Variants in TATDN2 observed in about 807,000 individuals in gnomAD.
TATDN2 encodes the protein 3'-5' RNA nuclease TATDN2.
In TATDN2, 44 loss-of-function variants were observed where a neutral mutation model predicts 60.3. The observed-to-expected ratio is 0.73, with a 90% CI of 0.57 to 0.94. The LOEUF is 0.94. Ranked by LOEUF, TATDN2 falls within the 40% of genes least tolerant of loss-of-function variation. The probability of loss-of-function intolerance (pLI) is 0.00; values close to 1 mark genes in which losing one functional copy is unlikely to be tolerated. For synonymous variants in TATDN2, 399 were observed against 355.8 expected, an observed-to-expected ratio of 1.12 and a Z score of -1.37; for missense variants, 997 against 948.0, an observed-to-expected ratio of 1.05 and a Z score of -0.68.
chr3:10,270,501 G>A lies in TATDN2; in HGVS notation c.1319G>A (p.Gly440Asp). 6.2e-7 allele frequency: 1 copy of A among 1,614,244 alleles called. No homozygotes were observed. The highest frequency in any genetic ancestry group is 8.5e-7 in the Non-Finnish European group (1 of 1,180,038). The change falls in exon 4 of 8, where the codon GGC becomes GAC. Residue 440 changes from glycine (G) to aspartate (D), a missense_variant. Gly to Asp is a moderately conservative substitution (Grantham distance 94). Coordinates refer to ENST00000448281, the MANE Select transcript of TATDN2 (RefSeq NM_014760.4). ...TSRDMEASEE[G>D]WSQNSRSFRF... Reference sequence around the variant, plus strand: ...AGAGACATGGAGGCCTCAGAGGAAGGCTGGTCCCAGAATTCTCGTTCATTT... The same window carrying A: ...AGAGACATGGAGGCCTCAGAGGAAGACTGGTCCCAGAATTCTCGTTCATTT...
chr3:10,277,942 T>C (rs766938278), intron 5 of TATDN2, among the ~76,000 whole-genome samples: 1 of 152,190 alleles, frequency 6.6e-6, no homozygotes, highest in Non-Finnish European at 1.5e-5. Flanking sequence ...ATGCTGTCGT[T>C]GTCATCATAG....
At position 10,270,287 on chromosome 3, in the gene TATDN2, A is replaced by G. The variant is rs745589319; in HGVS notation, c.1105A>G (p.Met369Val). ...TTCTTCCTTCACCACCGACTATGTC[A>G]TGTACCCTCCTCATTTGTACAGTAG... ...EPSSFTTDYVMYPPHLYSSPW... is the reference protein window; with the variant it reads ...EPSSFTTDYVVYPPHLYSSPW... The change falls in exon 4 of 8, where the codon ATG (methionine) becomes GTG (valine). Residue 369 changes from methionine (M) to valine (V), a missense_variant. By Grantham distance (21) the Met-to-Val change is conservative. Coordinates refer to ENST00000448281, the MANE Select transcript of TATDN2 (RefSeq NM_014760.4). 1.9e-6 allele frequency: 3 copies of G among 1,614,170 alleles called. No individual in the cohort carries two copies. The South Asian group carries it at 3.3e-5, about 18-fold the overall frequency.
rs781583845 is a variant in TATDN2, at chr3:10,270,274, C to T, written c.1092C>T (p.Thr364=). The T allele has an allele frequency of 1.2e-6, 2 of 1,614,082 alleles. No homozygotes were observed. The highest frequency in any genetic ancestry group is 2.7e-5 in the African/African-American group (2 of 74,922). ...PSAVPEPSSF[T]TDYVMYPPHL... ...CCGTTCCGGAGCCTTCTTCCTTCAC[C>T]ACCGACTATGTCATGTACCCTCCTC... The change falls in exon 4 of 8, where the codon ACC becomes ACT. Residue 364 remains threonine, a synonymous_variant. Coordinates refer to ENST00000448281, the MANE Select transcript of TATDN2 (RefSeq NM_014760.4).
chr3:10,270,102 C>CTTA (rs1698536142), intron 3 of TATDN2, 29 bp from the exon 4 acceptor site: 1 of 1,583,080 alleles, frequency 6.3e-7, no homozygotes, highest in African/African-American at 1.3e-5. Flanking sequence ...GGAAGGCTAA[C>CTTA]CCACTGTTGT....
At position 10,249,468 on chromosome 3, in the gene TATDN2, G is replaced by A; in HGVS notation, c.268G>A (p.Gly90Ser). Residue 90 changes from glycine to serine, a missense_variant, in exon 2 of 8, where the codon GGC (glycine) becomes AGC (serine). By Grantham distance (56) the Gly-to-Ser change is moderately conservative (BLOSUM62 0). Coordinates refer to ENST00000448281, the MANE Select transcript of TATDN2 (RefSeq NM_014760.4). ...SSSSFSPHFLGPGVGGAASKG... is the reference protein window; with the variant it reads ...SSSSFSPHFLSPGVGGAASKG... ...CTCCTCCTTCTCCCCACATTTCTTGGGCCCTGGTGTGGGCGGGGCCGCCTC... is the reference window on the plus strand; with the variant it reads ...CTCCTCCTTCTCCCCACATTTCTTGAGCCCTGGTGTGGGCGGGGCCGCCTC... 3.1e-6 allele frequency: 5 copies of A among 1,613,884 alleles called. No individual in the cohort carries two copies. Among genetic ancestry groups the A allele is most frequent in the Non-Finnish European group, 4.2e-6 (5 of 1,179,992 alleles).
intron 3 of TATDN2, among the ~76,000 whole-genome samples, chr3:10,268,541 T>C (rs2125178377): frequency 6.6e-6 from 1 of 152,356 alleles, no homozygotes. Flanking sequence ...CCAGCATGAA[T>C]TGATATTGAT....
At position 10,249,625 on chromosome 3, in the gene TATDN2, G is replaced by A. The variant is rs1433538609; in HGVS notation, c.414+11G>A. On this transcript the variant is annotated intron_variant, in intron 2 of 7. Transcript: ENST00000448281. ...GCCTGCAGCCTTAAGGTAGGTGGCTGCCACGCTTTGCAATCGGTGAAGCCC... is the reference window on the plus strand; with the variant it reads ...GCCTGCAGCCTTAAGGTAGGTGGCTACCACGCTTTGCAATCGGTGAAGCCC... The A allele has an allele frequency of 6.0e-6, 9 of 1,501,116 alleles. No individual in the cohort carries two copies. The highest frequency in any genetic ancestry group is 8.0e-6 in the Non-Finnish European group (9 of 1,125,598). 93.0% of individuals were successfully genotyped at this position (1,501,116 alleles called of 1,614,324 possible).
In TATDN2 at chr3:10,265,707, T is replaced by C. The variant is rs1416467987; in HGVS notation, c.949-4424T>C. ...AAAAAAAAAAAAAAAAAAAAAAAAG[T>C]TTTTGTCATCCAGGTTGGAGTGCAG... On this transcript the variant is annotated intron_variant, in intron 3 of 7. Transcript: ENST00000448281. Among the ~76,000 whole-genome samples, 3 of 143,190 alleles carry C rather than the reference T, an allele frequency of 2.1e-5. No homozygotes were observed. The South Asian group carries it at 6.8e-4, about 32-fold the overall frequency. 93.9% of individuals were successfully genotyped at this position (143,190 alleles called of 152,430 possible). A position where few individuals can be genotyped will look rare whatever the true frequency, so the allele number is the denominator to read the frequency against.
rs746966071 is a variant in TATDN2 at position 10,270,977 on chromosome 3, T to C, written c.1795T>C (p.Ser599Pro). 2 of 1,609,496 alleles carry C rather than the reference T, an allele frequency of 1.2e-6. No individual in the cohort carries two copies. The highest frequency in any genetic ancestry group is 1.1e-5 in the South Asian group (1 of 90,614). ...ATTTGGAGAAATGGGCTTGGATTAC[T>C]CTTACAAGTGCACCACGCCTGTCCC... ...VAFGEMGLDY[S>P]YKCTTPVPEQ... Residue 599 changes from serine (S) to proline (P), a missense_variant, in exon 4 of 8, where the codon TCT (serine) becomes CCT (proline). By Grantham distance (74) the Ser-to-Pro change is moderately conservative. Transcript: ENST00000448281.
intron 2 of TATDN2, among the ~76,000 whole-genome samples, chr3:10,255,006 CTTCCCA>C (rs1698285658): frequency 0.026 from 3,013 of 115,552 alleles, 204 homozygotes; most frequent in African/African-American, 0.12. Flanking sequence ...CTCCTTCCCA[CTTCCCA>C]CTCCCCCTCC....
chr3:10,268,087 C>T (rs1698504562), intron 3 of TATDN2, among the ~76,000 whole-genome samples: 2 of 152,156 alleles, frequency 1.3e-5, no homozygotes, highest in Non-Finnish European at 2.9e-5. Flanking sequence ...TGTATTGAAT[C>T]ACCAGATGCC....
intron 4 of TATDN2, among the ~76,000 whole-genome samples, chr3:10,272,761 G>A (rs144232396): frequency 0.013 from 1,968 of 151,234 alleles, 21 homozygotes; most frequent in Non-Finnish European, 0.019. Context: ...ATAGCTGGGT[G>A]TGGTGACTCA....
intron 3 of TATDN2, among the ~76,000 whole-genome samples, chr3:10,261,360 T>A (rs1698399528): frequency 8.3e-6 from 1 of 120,158 alleles, no homozygotes; most frequent in African/African-American, 3.5e-5. Flanking sequence ...TTCCTCCATC[T>A]TTTTCTTTTT....
At chr3:10,258,533 C>T (rs182938143) in intron 2 of TATDN2, among the ~76,000 whole-genome samples, 93 of 151,570 alleles carry the variant, frequency 6.1e-4, no homozygotes, top group African/African-American at 2.2e-3. Context: ...GGCAGTGGCA[C>T]GATCTTGCCT....
At chr3:10,257,841 ATTTTTTTTTTTTTTT>A (rs553265148) in intron 2 of TATDN2, among the ~76,000 whole-genome samples, 34 of 30,308 alleles carry the variant, frequency 1.1e-3, no homozygotes, top group South Asian at 4.3e-3. Context: ...AAGGTTTATG[ATTTTTTTTTTTTTTT>A]TTTTTTTTTT....
chr3:10,252,631 G>C (rs1334949211), intron 2 of TATDN2, among the ~76,000 whole-genome samples: 1 of 151,754 alleles, frequency 6.6e-6, no homozygotes, highest in Non-Finnish European at 1.5e-5. Flanking sequence ...CACAAAAATG[G>C]CATGTTCATC....
At chr3:10,254,949 A>G (rs556181044) in intron 2 of TATDN2, among the ~76,000 whole-genome samples, 3 of 151,950 alleles carry the variant, frequency 2.0e-5, no homozygotes, top group Non-Finnish European at 2.9e-5. Flanking sequence ...CCTCCAGCCT[A>G]GGAGAGTGTT....
intron 4 of TATDN2, among the ~76,000 whole-genome samples, chr3:10,272,657 AGGCAGGC>A (rs1698583526): frequency 6.6e-6 from 1 of 152,148 alleles, no homozygotes; most frequent in East Asian, 1.9e-4. Flanking sequence ...TGGGAGGCCG[AGGCAGGC>A]GGATCACCTG....
rs769529124 is a variant in TATDN2, at chr3:10,249,245, G to T, written c.45G>T (p.Thr15=). ...AGGTCAAGCACAACTGGAGCAGCAC[G>T]TCGGAAGGGTGTCCCCGCAAGCGCA... is the stretch of plus-strand genomic sequence containing the variant. ...RGKVKHNWSS[T]SEGCPRKRSC... Residue 15 remains threonine (T), a synonymous_variant, in exon 2 of 8, where the codon ACG becomes ACT. Transcript: ENST00000448281. The T allele has an allele frequency of 3.8e-6, 6 of 1,559,862 alleles. No individual in the cohort carries two copies. Among genetic ancestry groups the T allele is most frequent in the Non-Finnish European group, 5.2e-6 (6 of 1,151,388 alleles).
Sources: allele counts gnomAD v4.1 joint callset (sites outside exome capture counted in the v4.1 genomes callset), GRCh38; gene constraint gnomAD v4.1.1; transcripts MANE v1.5; gene names NCBI Gene and HGNC (gene_info 2026-07-23, HGNC 2026-07-21).